C1QTNF3: variants seen among roughly 807,000 people sequenced by gnomAD.
The protein encoded by C1QTNF3 is complement C1q tumor necrosis factor-related protein 3.
A neutral mutation model predicts 32.6 loss-of-function variants in C1QTNF3; 26 were observed. The observed-to-expected ratio is 0.80, with a 90% CI of 0.58 to 1.11. The LOEUF is 1.11. Ranked by LOEUF, C1QTNF3 falls within the 50% of genes least tolerant of loss-of-function variation. C1QTNF3 has a pLI of 0.00. For missense variants in C1QTNF3, 362 were observed against 398.2 expected (o/e 0.91, Z 0.77); for synonymous variants, 155 against 146.0 (o/e 1.06, Z -0.44).
chr5:34,228,424 A>T, the C1QTNF3 span, among the ~76,000 whole-genome samples: 4 of 151,626 alleles, frequency 2.6e-5, no homozygotes, highest in Non-Finnish European at 5.9e-5. Flanking sequence ...GAGACACGGC[A>T]GGGAAAGATC....
the C1QTNF3 span, among the ~76,000 whole-genome samples, chr5:34,112,821 A>C: frequency 6.4e-4 from 97 of 152,316 alleles, no homozygotes; most frequent in African/African-American, 2.2e-3. Flanking sequence ...TCAAGTCATT[A>C]AATTTGAGTT....
At chr5:34,187,480 A>G in the C1QTNF3 span, among the ~76,000 whole-genome samples, 2 of 152,398 alleles carry the variant, frequency 1.3e-5, no homozygotes, top group African/African-American at 4.8e-5. Flanking sequence ...AATGGCTTTG[A>G]CCAAAATGTT....
At chr5:34,143,306 T>C in the C1QTNF3 span, among the ~76,000 whole-genome samples, 2 of 152,298 alleles carry the variant, frequency 1.3e-5, no homozygotes, top group African/African-American at 2.4e-5. Context: ...ATATGACTCA[T>C]TGCAATTCCT....
chr5:34,150,314 C>A, the C1QTNF3 span, among the ~76,000 whole-genome samples: 2 of 104,298 alleles, frequency 1.9e-5, no homozygotes, highest in African/African-American at 8.7e-5. Context: ...AGAAAGTCAA[C>A]AAGGATACCC....
the C1QTNF3 span, among the ~76,000 whole-genome samples, chr5:34,053,715 T>C: frequency 0.042 from 6,405 of 152,290 alleles, 192 homozygotes; most frequent in South Asian, 0.16. Context: ...CCTATTATAT[T>C]TGACCGAATA....
rs1190029324 is a variant in C1QTNF3 at position 34,019,069 on chromosome 5, G to A, written c.*1514C>T. 1.3e-5 allele frequency among the ~76,000 whole-genome samples: 2 copies of A among 151,998 alleles called. No individual in the cohort carries two copies. Among genetic ancestry groups the A allele is most frequent in the East Asian group, 1.9e-4 (1 of 5,180 alleles). On this transcript the variant is annotated 3_prime_UTR_variant, in exon 6 of 6. Transcript: ENST00000382065. ...CTTGAACCCAGGAGGCGGAGGCTGC[G>A]GTGAGCTGAGATCATGCCACTGCAC...
chr5:34,089,148 C>G, the C1QTNF3 span, among the ~76,000 whole-genome samples: 1 of 152,146 alleles, frequency 6.6e-6, no homozygotes, highest in Non-Finnish European at 1.5e-5. Context: ...TCTCCTGATT[C>G]TGTGGGATGG....
chr5:34,051,231 T>G, the C1QTNF3 span, among the ~76,000 whole-genome samples: 1 of 152,214 alleles, frequency 6.6e-6, no homozygotes, highest in African/African-American at 2.4e-5. Context: ...ATGGCATTTG[T>G]GAGCCACCAA....
chr5:34,139,449 CTT>C, the C1QTNF3 span, among the ~76,000 whole-genome samples: 2 of 152,108 alleles, frequency 1.3e-5, no homozygotes, highest in African/African-American at 4.8e-5. Flanking sequence ...CTAAATTACT[CTT>C]GAGATCTTCA....
At chr5:34,211,444 GGTTA>G in the C1QTNF3 span, among the ~76,000 whole-genome samples, 1 of 151,716 alleles carries the variant, frequency 6.6e-6, no homozygotes, top group African/African-American at 2.4e-5. Context: ...ACAGTGTGCA[GGTTA>G]GTTACATATG....
At chr5:34,083,530 C>T in the C1QTNF3 span, among the ~76,000 whole-genome samples, 2 of 149,870 alleles carry the variant, frequency 1.3e-5, no homozygotes, top group Non-Finnish European at 3.0e-5. Context: ...AAAAATCCAG[C>T]GTATATGAAA....
the C1QTNF3 span, among the ~76,000 whole-genome samples, chr5:34,104,058 T>C: frequency 3.8e-4 from 48 of 127,934 alleles, no homozygotes; most frequent in Non-Finnish European, 7.3e-4. Context: ...TGTGATATTC[T>C]TCCCGGAAGA....
the C1QTNF3 span, among the ~76,000 whole-genome samples, chr5:34,116,155 A>C: frequency 6.6e-6 from 1 of 152,186 alleles, no homozygotes; most frequent in African/African-American, 2.4e-5. Context: ...GTTGTTTGAT[A>C]GCTGCATATT....
chr5:34,063,226 CTCTT>C, the C1QTNF3 span, among the ~76,000 whole-genome samples: 1 of 152,004 alleles, frequency 6.6e-6, no homozygotes, highest in Non-Finnish European at 1.5e-5. Flanking sequence ...CTTTCTTTCT[CTCTT>C]TGACTTTCTG....
chr5:34,093,387 TTC>T, the C1QTNF3 span, among the ~76,000 whole-genome samples: 1 of 118,812 alleles, frequency 8.4e-6, no homozygotes, highest in East Asian at 2.2e-4. Context: ...TTAATTATTC[TTC>T]TCTCACTTCT....
At chr5:34,169,792 G>A in the C1QTNF3 span, among the ~76,000 whole-genome samples, 1 of 152,112 alleles carries the variant, frequency 6.6e-6, no homozygotes, top group Non-Finnish European at 1.5e-5. Context: ...TAAATGGTGA[G>A]GATGTAGGGA....
chr5:34,124,418 C>T, the C1QTNF3 span: 16 of 716,164 alleles, frequency 2.2e-5, no homozygotes, highest in Middle Eastern at 2.4e-4. Flanking sequence ...ATAGTGATAC[C>T]TGCTTCTGGA....
the C1QTNF3 span, chr5:34,175,911 T>A: frequency 1.2e-6 from 1 of 818,808 alleles, no homozygotes. Context: ...ATGGTACTGC[T>A]CTAGCAGACT....
chr5:34,027,599 G>A (rs1754495965), intron 4 of C1QTNF3, among the ~76,000 whole-genome samples: 1 of 152,080 alleles, frequency 6.6e-6, no homozygotes, highest in South Asian at 2.1e-4. Context: ...TCAGGAGGCT[G>A]AGTGGGGAGG....
Sources: allele counts gnomAD v4.1 joint callset (sites outside exome capture counted in the v4.1 genomes callset), GRCh38; gene constraint gnomAD v4.1.1; transcripts MANE v1.5; gene names NCBI Gene and HGNC (gene_info 2026-07-23, HGNC 2026-07-21).